PSG2: variants seen among roughly 807,000 people sequenced by gnomAD.
PSG2 encodes pregnancy-specific beta-1-glycoprotein 2.
A neutral mutation model predicts 36.2 loss-of-function variants in PSG2; 49 were observed. That is an observed-to-expected ratio of 1.35 (90% confidence interval 1.08 to 1.72). The LOEUF is 1.72. Among genes scored for constraint, PSG2 ranks in the 40% most tolerant of loss-of-function variants. PSG2 has a pLI of 0.00. For missense variants in PSG2, 605 were observed against 407.2 expected, an observed-to-expected ratio of 1.49 and a Z score of -4.18; for synonymous variants, 261 against 155.6, an observed-to-expected ratio of 1.68 and a Z score of -5.04.
At chr19:43,067,904 A>G (rs7245449) in intron 4 of PSG2, among the ~76,000 whole-genome samples, 44,054 of 150,354 alleles carry the variant, frequency 0.29, 8,459 homozygotes, top group African/African-American at 0.53. Context: ...AAGATCTCAG[A>G]TCAACAACCT....
chr19:43,081,305 G>A (rs1967970867), intron 1 of PSG2, 59 bp from the exon 2 acceptor site: 4 of 1,561,316 alleles, frequency 2.6e-6, no homozygotes, highest in Admixed American at 3.7e-5. Flanking sequence ...GTGAAAAGAT[G>A]GGGCCCTGGG....
chr19:43,071,713 T>G lies in PSG2; in HGVS notation c.951A>C (p.Thr317=), dbSNP rs965982757. The G allele has an allele frequency of 1.4e-5, 22 of 1,612,862 alleles. No individual in the cohort carries two copies. Among genetic ancestry groups the G allele is most frequent in the Non-Finnish European group, 1.6e-5 (19 of 1,179,470 alleles). The change falls in exon 4 of 6, where the codon ACA becomes ACC. Residue 317 remains threonine, a synonymous_variant. Coordinates refer to ENST00000406487, the MANE Select transcript of PSG2 (RefSeq NM_031246.4). ...GGATCCACTTACCAGAGACTTTGACTGTCAACGATGTGGAGCTTTCCTCGC... is the reference window on the plus strand; with the variant it reads ...GGATCCACTTACCAGAGACTTTGACGGTCAACGATGTGGAGCTTTCCTCGC... ...ATGEESSTSL[T]VKVSASTRIG... is the part of the protein sequence containing the mutation.
In PSG2 at chr19:43,082,534, G is replaced by A; in HGVS notation, c.36C>T (p.His12=). Residue 12 remains histidine (H), a synonymous_variant, in exon 1 of 6, where the codon CAC becomes CAT. Transcript: ENST00000406487. ...TGACCAGGAGCCCCTTCCATTTGAT[G>A]TGCTCTGTGCAGGGAGGGGCTGAGA... is the stretch of plus-strand genomic sequence containing the variant. The part of the protein sequence containing the change: ...GPLSAPPCTE[H]IKWKGLLVTA... 6.2e-7 allele frequency: 1 copy of A among 1,612,106 alleles called. No individual in the cohort carries two copies. The highest frequency in any genetic ancestry group is 8.5e-7 in the Non-Finnish European group (1 of 1,179,138).
rs1967965087 is a variant in PSG2, at chr19:43,081,059, T to A, written c.252A>T (p.Val84=). The A allele has an allele frequency of 6.2e-7, 1 of 1,612,938 alleles. No homozygotes were observed. The highest frequency in any genetic ancestry group is 1.1e-5 in the South Asian group (1 of 91,036). The change falls in exon 2 of 6, where the codon GTA becomes GTT. Residue 84 remains valine, a synonymous_variant. Coordinates refer to ENST00000406487, the MANE Select transcript of PSG2 (RefSeq NM_031246.4). Reference sequence around the variant, plus strand: ...GCCCATATATAATTATTTGACCGTCTACTACATATGATGTAATGTAATGGT... The same window carrying A: ...GCCCATATATAATTATTTGACCGTCAACTACATATGATGTAATGTAATGGT... ...DLYHYITSYV[V]DGQIIIYGPA...
chr19:43,076,611 C>G (rs1420213140), intron 2 of PSG2, among the ~76,000 whole-genome samples: 1 of 151,434 alleles, frequency 6.6e-6, no homozygotes, highest in Non-Finnish European at 1.5e-5. Context: ...CCCTATGTAC[C>G]TCATATCAGT....
intron 1 of PSG2, 86 bp downstream of exon 1, chr19:43,082,420 T>G: frequency 6.4e-7 from 1 of 1,569,918 alleles, no homozygotes; most frequent in Admixed American, 1.7e-5. Flanking sequence ...CTTCTTTCAT[T>G]TTTTAGAACC....
Position 43,071,726 on chromosome 19 carries a change from G to C in PSG2, c.938C>G (p.Ser313Cys). The C allele has an allele frequency of 1.2e-6, 2 of 1,613,028 alleles. No homozygotes were observed. The highest frequency in any genetic ancestry group is 1.1e-5 in the South Asian group (1 of 91,050). Reference sequence around the variant, plus strand: ...AGAGACTTTGACTGTCAACGATGTGGAGCTTTCCTCGCCAGTGGCTGAGTT... The same window carrying C: ...AGAGACTTTGACTGTCAACGATGTGCAGCTTTCCTCGCCAGTGGCTGAGTT... ...VRNSATGEES[S>C]TSLTVKVSAS... The change falls in exon 4 of 6, where the codon TCC becomes TGC. Residue 313 changes from serine to cysteine, a missense_variant. Coordinates refer to ENST00000406487, the MANE Select transcript of PSG2 (RefSeq NM_031246.4).
Position 43,073,187 on chromosome 19 carries a change from T to C in PSG2, c.710-1233A>G, listed in dbSNP as rs1163285887. Reference sequence around the variant, plus strand: ...GACCAGAGTCAAGCCTGGAGGTCAGTTCAGTCATCAGGCAGTGGAGGCACA... The same window carrying C: ...GACCAGAGTCAAGCCTGGAGGTCAGCTCAGTCATCAGGCAGTGGAGGCACA... On this transcript the variant is annotated intron_variant, in intron 3 of 5. Coordinates refer to ENST00000406487, the MANE Select transcript of PSG2 (RefSeq NM_031246.4). Among the ~76,000 whole-genome samples, 9 of 151,934 alleles carry C rather than the reference T, an allele frequency of 5.9e-5. 1 individual carries two copies. The highest frequency in any genetic ancestry group is 2.2e-4 in the African/African-American group (9 of 41,292).
chr19:43,078,015 G>A (rs1967921734), intron 2 of PSG2, among the ~76,000 whole-genome samples: 1 of 151,614 alleles, frequency 6.6e-6, no homozygotes, highest in African/African-American at 2.4e-5. Flanking sequence ...GAGTGAAATG[G>A]GTGATATGAG....
Position 43,071,829 on chromosome 19 carries a change from A to G in PSG2, c.835T>C (p.Phe279Leu), listed in dbSNP as rs754416608. 3.1e-6 allele frequency: 5 copies of G among 1,613,104 alleles called. No homozygotes were observed. The South Asian group carries it at 4.4e-5, about 14-fold the overall frequency. Reference protein sequence around the residue: ...AQYSWTINGKFQQSGQNLFIP... With the variant: ...AQYSWTINGKLQQSGQNLFIP... ...AACAGATTTTGTCCTGATTGCTGAA[A>G]CTTCCCATTAATTGTCCAAGAATAC... is the stretch of plus-strand genomic sequence containing the variant. The change falls in exon 4 of 6, where the codon TTT becomes CTT. Residue 279 changes from phenylalanine to leucine, a missense_variant. Physicochemically the swap from Phe to Leu is conservative, Grantham distance 22. Transcript: ENST00000406487.
chr19:43,066,098 T>C (rs979909116), intron 5 of PSG2, among the ~76,000 whole-genome samples: 2 of 151,636 alleles, frequency 1.3e-5, no homozygotes, highest in Non-Finnish European at 2.9e-5. Context: ...TTAAATCAAT[T>C]AACCAGATTT....
chr19:43,064,562 G>C lies in PSG2; in HGVS notation c.*80C>G. 1 of 677,530 alleles carries C rather than the reference G, an allele frequency of 1.5e-6. No homozygotes were observed. Among genetic ancestry groups the C allele is most frequent in the South Asian group, 1.5e-5 (1 of 64,554 alleles). The allele number at this position is 677,530 out of a possible 1,614,324, so 42.0% of individuals were successfully genotyped here. ...ATGATCTTGAAGTTATCAGGAGCTT[G>C]TATTCAAGAGTCCTTGTAAGAGACC... On this transcript the variant is annotated 3_prime_UTR_variant, in exon 6 of 6. Coordinates refer to ENST00000406487, the MANE Select transcript of PSG2 (RefSeq NM_031246.4).
At chr19:43,075,709 G>A in intron 2 of PSG2, 77 bp from the exon 3 acceptor site, 2 of 1,549,220 alleles carry the variant, frequency 1.3e-6, no homozygotes, top group African/African-American at 1.4e-5. Context: ...ATCAGAGTTG[G>A]CATTTCCCAC....
intron 4 of PSG2, among the ~76,000 whole-genome samples, chr19:43,067,454 A>G (rs1967755537): frequency 6.6e-6 from 1 of 150,944 alleles, no homozygotes; most frequent in African/African-American, 2.5e-5. Context: ...TTTTCCATAT[A>G]TATATATATG....
At chr19:43,076,324 A>G (rs1280495995) in intron 2 of PSG2, among the ~76,000 whole-genome samples, 1 of 151,714 alleles carries the variant, frequency 6.6e-6, no homozygotes, top group Non-Finnish European at 1.5e-5. Context: ...GACAGGCAAG[A>G]GCTGATAGCT....
chr19:43,075,436 C>A lies in PSG2; in HGVS notation c.627G>T (p.Lys209Asn), dbSNP rs781204043. ...CACATTCATAGGGTCCTGCAGTATA[C>A]TTTGTGACACCAAATAGAAAGAGGG... ...NRTLFLFGVT[K>N]YTAGPYECEI... is the part of the protein sequence containing the mutation. The change falls in exon 3 of 6, where the codon AAG becomes AAT. Residue 209 changes from lysine (K) to asparagine (N), a missense_variant. Physicochemically the swap from Lys to Asn is moderately conservative, Grantham distance 94 (BLOSUM62 0). Transcript: ENST00000406487. The A allele has an allele frequency of 6.2e-7, 1 of 1,613,208 alleles. No individual in the cohort carries two copies. The highest frequency in any genetic ancestry group is 2.2e-5 in the East Asian group (1 of 44,866).
intron 2 of PSG2, among the ~76,000 whole-genome samples, chr19:43,079,024 C>T (rs1246234099): frequency 1.3e-5 from 2 of 151,622 alleles, no homozygotes; most frequent in East Asian, 3.9e-4. Context: ...TTCCTATTTC[C>T]TGGGAGGTTG....
At chr19:43,069,299 C>T (rs760336874) in intron 4 of PSG2, among the ~76,000 whole-genome samples, 2 of 151,486 alleles carry the variant, frequency 1.3e-5, no homozygotes, top group East Asian at 1.9e-4. Flanking sequence ...AAGTGAGCTG[C>T]GGATTCAATA....
At chr19:43,081,459 A>G (rs982472001) in intron 1 of PSG2, among the ~76,000 whole-genome samples, 2 of 150,716 alleles carry the variant, frequency 1.3e-5, no homozygotes, top group African/African-American at 4.9e-5. Flanking sequence ...CTACTAGGTC[A>G]AGGTCAGCAG....
Sources: allele counts gnomAD v4.1 joint callset (sites outside exome capture counted in the v4.1 genomes callset), GRCh38; gene constraint gnomAD v4.1.1; transcripts MANE v1.5; gene names NCBI Gene and HGNC (gene_info 2026-07-23, HGNC 2026-07-21).